PCDH9: variants seen among roughly 807,000 people sequenced by gnomAD.
PCDH9 encodes protocadherin-9.
A neutral mutation model predicts 70.6 loss-of-function variants in PCDH9; 24 were observed. The ratio of observed to expected loss-of-function variants is 0.34; its 90% CI spans 0.25 to 0.48. The LOEUF is 0.48. Among genes scored for constraint, PCDH9 ranks in the 20% least tolerant of loss-of-function variants. The pLI, the probability that PCDH9 is intolerant of heterozygous loss-of-function variation, is 0.99. For synonymous variants in PCDH9, 562 were observed against 558.5 expected (o/e 1.01, Z -0.09); for missense variants, 1,281 against 1,503.6 (o/e 0.85, Z 2.45).
At chr13:67,195,877 T>C (rs1285669103) in intron 2 of PCDH9, among the ~76,000 whole-genome samples, 1 of 152,146 alleles carries the variant, frequency 6.6e-6, no homozygotes, top group Non-Finnish European at 1.5e-5. Flanking sequence ...ACTGGAGTGA[T>C]AAAAATGTTT....
intron 2 of PCDH9, among the ~76,000 whole-genome samples, chr13:66,938,809 C>T (rs1411634151): frequency 6.6e-6 from 1 of 152,058 alleles, no homozygotes; most frequent in Admixed American, 6.6e-5. Flanking sequence ...ACATTTTTTA[C>T]TTGTCCGTCT....
At chr13:66,461,079 G>C (rs1958415545) in intron 4 of PCDH9, among the ~76,000 whole-genome samples, 2 of 151,754 alleles carry the variant, frequency 1.3e-5, no homozygotes, top group Non-Finnish European at 2.9e-5. Context: ...CCCTTCCAGT[G>C]CTAAGTATAG....
At chr13:66,664,230 A>C (rs2078061068) in intron 3 of PCDH9, among the ~76,000 whole-genome samples, 1 of 152,206 alleles carries the variant, frequency 6.6e-6, no homozygotes, top group African/African-American at 2.4e-5. Flanking sequence ...CAATTATGCT[A>C]TTTACAGTCT....
chr13:66,758,142 T>C (rs2079565787), intron 3 of PCDH9, among the ~76,000 whole-genome samples: 1 of 152,244 alleles, frequency 6.6e-6, no homozygotes, highest in African/African-American at 2.4e-5. Flanking sequence ...GAAGTATATA[T>C]ACATCATGGA....
intron 4 of PCDH9, among the ~76,000 whole-genome samples, chr13:66,477,813 T>A (rs1366246840): frequency 6.6e-6 from 1 of 152,214 alleles, no homozygotes; most frequent in African/African-American, 2.4e-5. Context: ...GCTTTATCTA[T>A]CCTCATCCTC....
At chr13:66,472,195 G>A (rs1412935916) in intron 4 of PCDH9, among the ~76,000 whole-genome samples, 2 of 127,044 alleles carry the variant, frequency 1.6e-5, no homozygotes, top group Non-Finnish European at 3.2e-5. Flanking sequence ...CTGGGTGACA[G>A]AGCAAGACTC....
At chr13:66,865,541 G>A (rs1313376359) in intron 3 of PCDH9, among the ~76,000 whole-genome samples, 1 of 152,104 alleles carries the variant, frequency 6.6e-6, no homozygotes. Context: ...TTAATTATTT[G>A]ATTTTTCCAT....
In PCDH9 at chr13:67,174,270, T is replaced by TGATA. The variant is rs1251807587; in HGVS notation, c.3036+51131_3036+51134dup. Among the ~76,000 whole-genome samples, 128 of 151,802 alleles carry TGATA rather than the reference T, an allele frequency of 8.4e-4. 1 individual carries two copies. Among genetic ancestry groups the TGATA allele is most frequent in the Admixed American group, 5.7e-3 (86 of 15,186 alleles). ...GGCAGACTATAGATAGATAGATAGA[T>TGATA]GATAGATAGCTAGATAGACAGATGA... On this transcript the variant is annotated intron_variant, in intron 2 of 4. Transcript: ENST00000377865.
Position 67,004,614 on chromosome 13 carries a change from T to C in PCDH9, c.3037-101009A>G, listed in dbSNP as rs183018992. Among the ~76,000 whole-genome samples, 530 of 152,082 alleles carry C rather than the reference T, an allele frequency of 3.5e-3. 5 individuals are homozygous for C. The highest frequency in any genetic ancestry group is 0.012 in the African/African-American group (511 of 41,532). On this transcript the variant is annotated intron_variant, in intron 2 of 4. Transcript: ENST00000377865. ...AAATGTATAGCATTCATTTTTGTTA[T>C]AACATATTTCAAAATCAATATGTTT...
At chr13:67,219,577 C>T (rs1444975660) in intron 2 of PCDH9, 1 of 151,930 alleles carries the variant, frequency 6.6e-6, no homozygotes, top group Non-Finnish European at 1.5e-5. Context: ...ACTTTTATGC[C>T]TCCATGAAAC....
chr13:66,639,294 G>T (rs917696513), intron 3 of PCDH9, among the ~76,000 whole-genome samples: 7 of 152,290 alleles, frequency 4.6e-5, no homozygotes, highest in Admixed American at 4.6e-4. Flanking sequence ...TTTTATGTGT[G>T]TGGAAAACTC....
At chr13:66,907,662 A>G (rs929236835) in intron 2 of PCDH9, among the ~76,000 whole-genome samples, 4 of 152,218 alleles carry the variant, frequency 2.6e-5, no homozygotes, top group Admixed American at 1.3e-4. Flanking sequence ...AAAATAATCA[A>G]CAGTAGCAAG....
At chr13:67,062,793 T>G (rs2085564691) in intron 2 of PCDH9, among the ~76,000 whole-genome samples, 1 of 152,194 alleles carries the variant, frequency 6.6e-6, no homozygotes, top group Non-Finnish European at 1.5e-5. Context: ...TGCTTTAGTT[T>G]AATTAAATTG....
intron 2 of PCDH9, among the ~76,000 whole-genome samples, chr13:67,117,398 A>C (rs2086798762): frequency 6.6e-6 from 1 of 152,022 alleles, no homozygotes; most frequent in Non-Finnish European, 1.5e-5. Context: ...AGAAAGTCAA[A>C]CTGCATATCC....
intron 4 of PCDH9, among the ~76,000 whole-genome samples, chr13:66,600,036 T>C (rs1215252802): frequency 6.6e-6 from 1 of 151,930 alleles, no homozygotes. Context: ...CATATTTCAT[T>C]GATATTTCCT....
intron 3 of PCDH9, among the ~76,000 whole-genome samples, chr13:66,706,974 G>C (rs185351878): frequency 5.9e-5 from 9 of 152,230 alleles, no homozygotes; most frequent in African/African-American, 2.2e-4. Context: ...TAGGGACACC[G>C]GGCTGGGGAC....
chr13:66,419,973 C>G (rs1417112248), intron 4 of PCDH9, among the ~76,000 whole-genome samples: 1 of 152,058 alleles, frequency 6.6e-6, no homozygotes, highest in Non-Finnish European at 1.5e-5. Context: ...CTGGGATGCT[C>G]CAGCTTGGTG....
At chr13:66,590,417 T>C (rs185804494) in intron 4 of PCDH9, among the ~76,000 whole-genome samples, 7 of 151,998 alleles carry the variant, frequency 4.6e-5, no homozygotes, top group African/African-American at 1.2e-4. Context: ...GACAAAGTCT[T>C]TTTCAAAGTT....
At chr13:66,411,895 G>A (rs1296874693) in intron 4 of PCDH9, among the ~76,000 whole-genome samples, 1 of 152,084 alleles carries the variant, frequency 6.6e-6, no homozygotes, top group Admixed American at 6.5e-5. Flanking sequence ...AGAATGGGGG[G>A]CTGCTCCCAT....
Sources: gnomAD v4.1 joint callset for allele counts (sites outside exome capture counted in the v4.1 genomes callset) on GRCh38, gnomAD v4.1.1 for gene constraint, MANE v1.5 for transcripts, NCBI Gene and HGNC (gene_info 2026-07-23, HGNC 2026-07-21) for gene names.